Variants in KHDRBS2 observed in about 807,000 individuals in gnomAD.
KHDRBS2 encodes KH domain-containing, RNA-binding, signal transduction-associated protein 2.
A neutral mutation model predicts 44.3 loss-of-function variants in KHDRBS2; 26 were observed. The observed-to-expected ratio is 0.59, with a 90% CI of 0.43 to 0.81. The LOEUF (loss-of-function observed/expected upper bound fraction) is 0.81, where lower values mean the gene tolerates loss of function less well. Ranked by LOEUF, KHDRBS2 falls within the 40% of genes least tolerant of loss-of-function variation. The pLI is 0.00. For synonymous variants in KHDRBS2, 194 were observed against 151.1 expected, an observed-to-expected ratio of 1.28 and a Z score of -2.08; for missense variants, 476 against 433.1, an observed-to-expected ratio of 1.10 and a Z score of -0.88.
intron 7 of KHDRBS2, among the ~76,000 whole-genome samples, chr6:61,712,710 A>C (rs894295824): frequency 6.6e-6 from 1 of 151,878 alleles, no homozygotes; most frequent in Non-Finnish European, 1.5e-5. Context: ...TAATGTTTAC[A>C]CAGTACTTAA....
intron 2 of KHDRBS2, among the ~76,000 whole-genome samples, chr6:62,134,534 G>A (rs1811069573): frequency 6.6e-6 from 1 of 152,168 alleles, no homozygotes; most frequent in African/African-American, 2.4e-5. Context: ...GCACTTCCTA[G>A]TGGAGCTGTG....
intron 2 of KHDRBS2, among the ~76,000 whole-genome samples, chr6:62,160,927 T>G (rs926527212): frequency 6.6e-6 from 1 of 152,140 alleles, no homozygotes; most frequent in Admixed American, 6.6e-5. Flanking sequence ...TCCATAACTC[T>G]TTTTATCCTT....
At chr6:61,993,342 G>A (rs972849018) in intron 3 of KHDRBS2, among the ~76,000 whole-genome samples, 3 of 151,724 alleles carry the variant, frequency 2.0e-5, no homozygotes, top group South Asian at 2.1e-4. Context: ...GCTTAGACTC[G>A]CTCTTTCTTT....
At chr6:61,829,898 T>C (rs761092981) in intron 6 of KHDRBS2, among the ~76,000 whole-genome samples, 48 of 152,222 alleles carry the variant, frequency 3.2e-4, no homozygotes, top group Non-Finnish European at 6.8e-4. Flanking sequence ...CAAAGCAACA[T>C]GCAGATAGGA....
At chr6:62,066,351 C>A (rs59795625) in intron 2 of KHDRBS2, among the ~76,000 whole-genome samples, 3,076 of 151,708 alleles carry the variant, frequency 0.02, 117 homozygotes, top group African/African-American at 0.071. Context: ...TTATCTAAAT[C>A]TTTGCCCTTT....
chr6:62,277,468 A>G (rs1438854258), intron 1 of KHDRBS2, among the ~76,000 whole-genome samples: 2 of 152,014 alleles, frequency 1.3e-5, no homozygotes, highest in East Asian at 3.9e-4. Context: ...CAGCCTCCCG[A>G]GTAGCTGGGA....
chr6:62,160,254 G>C (rs1186703432), intron 2 of KHDRBS2, among the ~76,000 whole-genome samples: 1 of 152,056 alleles, frequency 6.6e-6, no homozygotes, highest in Non-Finnish European at 1.5e-5. Flanking sequence ...TATATGCTAT[G>C]GGAAAAAAGA....
the KHDRBS2 span, among the ~76,000 whole-genome samples, chr6:61,570,240 A>G: frequency 2.0e-5 from 3 of 152,302 alleles, no homozygotes; most frequent in Non-Finnish European, 1.5e-5. Context: ...CACAACTTCC[A>G]GAAATGAAAG....
At chr6:61,553,293 G>T in the KHDRBS2 span, among the ~76,000 whole-genome samples, 29,085 of 152,018 alleles carry the variant, frequency 0.19, 2,919 homozygotes, top group African/African-American at 0.23. Flanking sequence ...TGTGTATAGA[G>T]GTATTTGTAG....
intron 6 of KHDRBS2, among the ~76,000 whole-genome samples, chr6:61,835,353 G>A (rs1792478272): frequency 6.6e-6 from 1 of 152,056 alleles, no homozygotes; most frequent in African/African-American, 2.4e-5. Flanking sequence ...AAGAGTATAT[G>A]AGTAAGTGTC....
At chr6:62,090,592 T>TG (rs1799321798) in intron 2 of KHDRBS2, among the ~76,000 whole-genome samples, 1 of 152,088 alleles carries the variant, frequency 6.6e-6, no homozygotes, top group Non-Finnish European at 1.5e-5. Flanking sequence ...ATTTAATTTT[T>TG]TTTAACATTT....
At chr6:61,556,350 T>A in the KHDRBS2 span, among the ~76,000 whole-genome samples, 1 of 152,208 alleles carries the variant, frequency 6.6e-6, no homozygotes, top group African/African-American at 2.4e-5. Context: ...CACATTTTTT[T>A]AATCACTCTG....
chr6:61,700,028 G>A (rs753829792), intron 7 of KHDRBS2, among the ~76,000 whole-genome samples: 6 of 151,912 alleles, frequency 3.9e-5, no homozygotes, highest in Non-Finnish European at 7.4e-5. Context: ...TATAGGGGTA[G>A]CAAATTCCTG....
chr6:61,619,394 T>C, the KHDRBS2 span, among the ~76,000 whole-genome samples: 10 of 152,270 alleles, frequency 6.6e-5, no homozygotes, highest in Admixed American at 6.5e-4. Flanking sequence ...TCACTTAGAA[T>C]AATGGCCTCT....
intron 4 of KHDRBS2, among the ~76,000 whole-genome samples, chr6:61,935,409 CAG>C (rs1810846477): frequency 6.6e-6 from 1 of 152,152 alleles, no homozygotes; most frequent in Non-Finnish European, 1.5e-5. Flanking sequence ...AGGCATGAAT[CAG>C]TGGAACTCAG....
At chr6:61,972,682 C>A (rs115525896) in intron 4 of KHDRBS2, among the ~76,000 whole-genome samples, 1,764 of 152,262 alleles carry the variant, frequency 0.012, 28 homozygotes, top group African/African-American at 0.039. Context: ...TGTAACCAAT[C>A]ATTCTCTTGC....
chr6:61,983,459 A>G (rs372403305), intron 3 of KHDRBS2, among the ~76,000 whole-genome samples: 2 of 151,908 alleles, frequency 1.3e-5, no homozygotes, highest in South Asian at 2.1e-4. Context: ...CAGGGTTTCT[A>G]GCCTTTAAGA....
chr6:62,136,032 G>T (rs1391058313), intron 2 of KHDRBS2, among the ~76,000 whole-genome samples: 1 of 148,890 alleles, frequency 6.7e-6, no homozygotes, highest in East Asian at 2.0e-4. Context: ...AATTTGCTAA[G>T]AAACTAGATT....
At chr6:61,601,514 AG>A in the KHDRBS2 span, among the ~76,000 whole-genome samples, 1 of 152,072 alleles carries the variant, frequency 6.6e-6, no homozygotes, top group Admixed American at 6.5e-5. Flanking sequence ...CCATACTACA[AG>A]ATCTTGATAA....
Sources: gnomAD v4.1 joint callset for allele counts (sites outside exome capture counted in the v4.1 genomes callset) on GRCh38, gnomAD v4.1.1 for gene constraint, MANE v1.5 for transcripts, NCBI Gene and HGNC (gene_info 2026-07-23, HGNC 2026-07-21) for gene names.